The following HAO1 variants were observed in gnomAD, a reference collection of about 807,000 sequenced individuals.
HAO1 encodes hydroxyacid oxidase 1.
A neutral mutation model predicts 39.7 loss-of-function variants in HAO1; 34 were observed. The ratio of observed to expected loss-of-function variants is 0.86; its 90% CI spans 0.65 to 1.14. The LOEUF is 1.14. Ranked by LOEUF, HAO1 falls within the 50% of genes most tolerant of loss-of-function variation. The pLI, the probability that HAO1 is intolerant of heterozygous loss-of-function variation, is 0.00. For synonymous variants in HAO1, 172 were observed against 173.2 expected, an observed-to-expected ratio of 0.99 and a Z score of 0.05; for missense variants, 479 against 464.5, an observed-to-expected ratio of 1.03 and a Z score of -0.29.
chr20:7,918,617 C>T (rs1032331362), intron 2 of HAO1, among the ~76,000 whole-genome samples: 1 of 152,080 alleles, frequency 6.6e-6, no homozygotes, highest in Non-Finnish European at 1.5e-5. Flanking sequence ...GCCGGCAGAG[C>T]GGGGGGCATC....
rs1381061877 is a variant in HAO1, at chr20:7,914,506, C to A, written c.290-87G>T. On this transcript the variant is annotated intron_variant, in intron 2 of 7. Coordinates refer to ENST00000378789, the MANE Select transcript of HAO1 (RefSeq NM_017545.3). ...ATTGTAGTTGGATGAGTAAAGACATCTAGAAGGGCAATTTGGCAATATGAA... is the reference window on the plus strand; with the variant it reads ...ATTGTAGTTGGATGAGTAAAGACATATAGAAGGGCAATTTGGCAATATGAA... 10 of 1,423,320 alleles carry A rather than the reference C, an allele frequency of 7.0e-6. No homozygotes were observed. The East Asian group carries it at 2.3e-4, about 33-fold the overall frequency. The allele number at this position is 1,423,320 out of a possible 1,614,324, so 88.2% of individuals were successfully genotyped here.
chr20:7,913,468 T>C (rs1274826209), intron 3 of HAO1, among the ~76,000 whole-genome samples: 3 of 152,112 alleles, frequency 2.0e-5, no homozygotes, highest in Non-Finnish European at 2.9e-5. Flanking sequence ...GAGGTTTGAG[T>C]CTTTCCCAGA....
At position 7,914,179 on chromosome 20, in the gene HAO1, A is replaced by T; in HGVS notation, c.530T>A (p.Leu177Gln). ...RLDDVRNRFK[L>Q]PPQLRMKNFE... ...TCATGGTTACCTGAGTTGTGGCGGC[A>T]GTTTGAATCTGTTACGCACATCATC... The change falls in exon 3 of 8, where the codon CTG becomes CAG. Residue 177 changes from leucine to glutamine, a missense_variant. Physicochemically the swap from Leu to Gln is moderately radical, Grantham distance 113 (BLOSUM62 -2). Transcript: ENST00000378789. 1.9e-6 allele frequency: 3 copies of T among 1,613,894 alleles called. No homozygotes were observed. In the East Asian group the frequency reaches 6.7e-5, roughly 36 times the overall value.
chr20:7,930,784 C>T (rs1026974480), intron 2 of HAO1, among the ~76,000 whole-genome samples: 2 of 152,174 alleles, frequency 1.3e-5, no homozygotes, highest in African/African-American at 4.8e-5. Context: ...TCCCATTCCC[C>T]TACTTCAAAC....
intron 2 of HAO1, among the ~76,000 whole-genome samples, chr20:7,929,059 T>TG (rs1266573275): frequency 1.3e-5 from 2 of 150,702 alleles, no homozygotes; most frequent in Non-Finnish European, 2.9e-5. Context: ...TTGCACTGTT[T>TG]TTTGTTTGTT....
At chr20:7,936,789 A>G (rs2050414510) in intron 1 of HAO1, among the ~76,000 whole-genome samples, 1 of 152,110 alleles carries the variant, frequency 6.6e-6, no homozygotes, top group Admixed American at 6.5e-5. Flanking sequence ...AAAATTAGAT[A>G]AAATCAATGG....
At position 7,883,475 on chromosome 20, in the gene HAO1, G is replaced by A. The variant is rs1042792031; in HGVS notation, c.*118C>T. The A allele has an allele frequency of 2.2e-5, 17 of 768,778 alleles. No homozygotes were observed. The highest frequency in any genetic ancestry group is 2.3e-4 in the Middle Eastern group (1 of 4,290). The allele number at this position is 768,778 out of a possible 1,614,324, so 47.6% of individuals were successfully genotyped here. A position where few individuals can be genotyped will look rare whatever the true frequency, so the allele number is the denominator to read the frequency against. The stretch of plus-strand genomic sequence containing the variant: ...GATTGCTATTTTGTTGGAAAAGAAC[G>A]ACACCCTTTGTATTGAAGTGGGGAA... On this transcript the variant is annotated 3_prime_UTR_variant, in exon 8 of 8. Coordinates refer to ENST00000378789, the MANE Select transcript of HAO1 (RefSeq NM_017545.3).
At chr20:7,934,979 A>G (rs2050403628) in intron 1 of HAO1, among the ~76,000 whole-genome samples, 1 of 151,996 alleles carries the variant, frequency 6.6e-6, no homozygotes, top group Admixed American at 6.5e-5. Context: ...AATCATTCCC[A>G]AAAAAGTCCC....
intron 5 of HAO1, among the ~76,000 whole-genome samples, chr20:7,891,443 T>C (rs1293345391): frequency 6.6e-6 from 1 of 152,158 alleles, no homozygotes; most frequent in Non-Finnish European, 1.5e-5. Context: ...TGGATATTTG[T>C]TTTTCATCAG....
intron 2 of HAO1, 102 bp from the exon 3 acceptor site, chr20:7,914,521 G>GACTTCATATTGCCAAATT: frequency 1.6e-6 from 2 of 1,287,068 alleles, no homozygotes; most frequent in Non-Finnish European, 2.1e-6. Flanking sequence ...AGGGCAATTT[G>GACTTCATATTGCCAAATT]GCAATATGAA....
chr20:7,903,808 G>A (rs2050234079), intron 4 of HAO1, among the ~76,000 whole-genome samples: 1 of 149,818 alleles, frequency 6.7e-6, no homozygotes, highest in Admixed American at 6.7e-5. Context: ...AGCAGTGGTG[G>A]TGGGTGGCAG....
intron 2 of HAO1, among the ~76,000 whole-genome samples, chr20:7,930,104 C>T (rs2050379116): frequency 6.6e-6 from 1 of 152,110 alleles, no homozygotes; most frequent in Non-Finnish European, 1.5e-5. Flanking sequence ...CTTACTCTCA[C>T]TGACCCTGCT....
chr20:7,900,318 G>A (rs112689541), intron 4 of HAO1, among the ~76,000 whole-genome samples: 118 of 152,194 alleles, frequency 7.8e-4, no homozygotes, highest in African/African-American at 2.7e-3. Context: ...ACTACAACTC[G>A]CTGAAGACTC....
intron 3 of HAO1, among the ~76,000 whole-genome samples, chr20:7,909,314 G>C (rs1204155363): frequency 1.4e-5 from 2 of 142,614 alleles, no homozygotes; most frequent in Non-Finnish European, 3.0e-5. Context: ...TTTACCAAAG[G>C]CTCCAAAAGA....
At position 7,906,261 on chromosome 20, in the gene HAO1, AGTCCACT is replaced by A. The variant is rs770632659; in HGVS notation, c.607_613del (p.Ser203LeufsTer9). 1 of 1,612,126 alleles carries A rather than the reference AGTCCACT, an allele frequency of 6.2e-7. No individual in the cohort carries two copies. On this transcript the variant is annotated frameshift_variant, in exon 4 of 8. Coordinates refer to ENST00000378789, the MANE Select transcript of HAO1 (RefSeq NM_017545.3). LOFTEE classifies it high-confidence loss of function. The stretch of plus-strand genomic sequence containing the variant: ...TATTGCTTTAGCCACATATGCAGCA[AGTCCACT>A]GTCGTCTCCAAAATTTTCCTCAGGA...
chr20:7,921,953 A>G (rs893234589), intron 2 of HAO1, among the ~76,000 whole-genome samples: 24 of 152,050 alleles, frequency 1.6e-4, no homozygotes, highest in African/African-American at 5.6e-4. Context: ...GGGGAATACA[A>G]CAGTGGGGTT....
chr20:7,903,061 T>G lies in HAO1; in HGVS notation c.721+3093A>C, dbSNP rs558609400. On this transcript the variant is annotated intron_variant, in intron 4 of 7. Coordinates refer to ENST00000378789, the MANE Select transcript of HAO1 (RefSeq NM_017545.3). Reference sequence around the variant, plus strand: ...TCAGTCAATCCATGTGATTTCTGCATGAGGACCTGTGAAATGGAGAAAATT... The same window carrying G: ...TCAGTCAATCCATGTGATTTCTGCAGGAGGACCTGTGAAATGGAGAAAATT... Among the ~76,000 whole-genome samples, 8 of 152,324 alleles carry G rather than the reference T, an allele frequency of 5.3e-5. 1 individual carries two copies. The East Asian group carries it at 1.5e-3, about 29-fold the overall frequency.
In HAO1 at chr20:7,920,807, C is replaced by T. The variant is rs1028765122; in HGVS notation, c.290-6388G>A. On this transcript the variant is annotated intron_variant, in intron 2 of 7. Coordinates refer to ENST00000378789, the MANE Select transcript of HAO1 (RefSeq NM_017545.3). ...TACTTAGGTTGATGGCATATCATGA[C>T]TATTATGAATAATGCTATAACGAAC... Among the ~76,000 whole-genome samples, 3 of 152,106 alleles carry T rather than the reference C, an allele frequency of 2.0e-5. No homozygotes were observed. The East Asian group carries it at 5.8e-4, about 29-fold the overall frequency.
intron 3 of HAO1, among the ~76,000 whole-genome samples, chr20:7,911,385 C>T (rs890594201): frequency 6.6e-6 from 1 of 152,164 alleles, no homozygotes; most frequent in Non-Finnish European, 1.5e-5. Context: ...AATTACTTTT[C>T]TTCTCTTTAA....
Sources: allele counts gnomAD v4.1 joint callset (sites outside exome capture counted in the v4.1 genomes callset), GRCh38; gene constraint gnomAD v4.1.1; transcripts MANE v1.5; gene names NCBI Gene and HGNC (gene_info 2026-07-23, HGNC 2026-07-21).